LMF2: variants seen among roughly 807,000 people sequenced by gnomAD.
The protein encoded by LMF2 is transmembrane protein 112B.
In LMF2, 113 loss-of-function variants were observed where a neutral mutation model predicts 81.5. The observed-to-expected ratio is 1.39, with a 90% CI of 1.19 to 1.62. The LOEUF (loss-of-function observed/expected upper bound fraction) is 1.62. LMF2 is among the 40% of genes most tolerant of loss of function. The probability of loss-of-function intolerance (pLI) is 0.00; values close to 1 mark genes in which losing one functional copy is unlikely to be tolerated. For missense variants in LMF2, 1,235 were observed against 929.1 expected (o/e 1.33, Z -4.28); for synonymous variants, 645 against 424.5 (o/e 1.52, Z -6.39).
Position 50,506,771 on chromosome 22 carries a change from G to T in LMF2, c.348+11C>A, listed in dbSNP as rs781668166. On this transcript the variant is annotated intron_variant, in intron 2 of 13. Transcript: ENST00000474879. ...TGGAGATAGAGTGAGCTGGTCACAGGTCCCACTTGCCTGGCAGGCTGACAG... is the reference window on the plus strand; with the variant it reads ...TGGAGATAGAGTGAGCTGGTCACAGTTCCCACTTGCCTGGCAGGCTGACAG... 1.2e-6 allele frequency: 2 copies of T among 1,612,818 alleles called. No homozygotes were observed. The highest frequency in any genetic ancestry group is 1.1e-5 in the South Asian group (1 of 91,032).
intron 1 of LMF2, 195 bp downstream of exon 1, chr22:50,507,387 G>T: frequency 1.6e-6 from 1 of 635,818 alleles, no homozygotes; most frequent in Non-Finnish European, 2.8e-6. Context: ...AGAGTCCAGA[G>T]CCTTACGGGA....
chr22:50,506,718 G>A (rs112907401), intron 2 of LMF2, 52 bp from the exon 3 acceptor site: 2 of 1,613,234 alleles, frequency 1.2e-6, no homozygotes, highest in South Asian at 2.2e-5. Flanking sequence ...ACTCAGGTAA[G>A]GTAGAGGCAG....
At chr22:50,503,978 C>A in intron 12 of LMF2, 74 bp from the exon 13 acceptor site, 2 of 1,361,766 alleles carry the variant, frequency 1.5e-6, no homozygotes, top group East Asian at 4.8e-5. Context: ...CCCAGCCTTA[C>A]CCCTGCTCCT....
In LMF2 at chr22:50,504,742, G is replaced by A. The variant is rs574676366; in HGVS notation, c.1438-15C>T. On this transcript the variant is annotated splice_polypyrimidine_tract_variant and intron_variant, in intron 10 of 13. Coordinates refer to ENST00000474879, the MANE Select transcript of LMF2 (RefSeq NM_033200.3). ...AACTCGATCTCCTGCCAGGCAGGCC[G>A]AGGTCAGCTGGGCCCGCTGACCTGG... is the stretch of plus-strand genomic sequence containing the variant. The A allele has an allele frequency of 2.1e-4, 338 of 1,608,574 alleles. 3 individuals are homozygous for A. In the East Asian group the frequency reaches 6.4e-3, roughly 31 times the overall value.
At chr22:50,506,557 G>A (rs886297923) in intron 3 of LMF2, 55 bp from the exon 4 acceptor site, 27 of 1,583,632 alleles carry the variant, frequency 1.7e-5, no homozygotes, top group South Asian at 4.6e-5. Context: ...TGCTTCCCTC[G>A]GAAAGTCCTC....
Position 50,507,669 on chromosome 22 carries a change from C to G in LMF2, c.7G>C (p.Gly3Arg). The change falls in exon 1 of 14, where the codon GGC becomes CGC. Residue 3 changes from glycine (G) to arginine (R), a missense_variant. Coordinates refer to ENST00000474879, the MANE Select transcript of LMF2 (RefSeq NM_033200.3). ...AAGAGCTGCCGCGGGAGCCGGGAGCCCGCCATGTCCGCTACGCGGCCCGCT... is the reference window on the plus strand; with the variant it reads ...AAGAGCTGCCGCGGGAGCCGGGAGCGCGCCATGTCCGCTACGCGGCCCGCT... MA[G>R]SRLPRQLFLQ... 6.4e-7 allele frequency: 1 copy of G among 1,550,526 alleles called. No homozygotes were observed. Among genetic ancestry groups the G allele is most frequent in the Non-Finnish European group, 8.7e-7 (1 of 1,147,398 alleles).
At position 50,505,283 on chromosome 22, in the gene LMF2, G is replaced by A. The variant is rs764744742; in HGVS notation, c.1103C>T (p.Thr368Ile). ...CAGGGAGGCCACACCCAGCCACACA[G>A]TGGGCAGCGTCAGTGTCTTCAGCCA... The part of the protein sequence containing the change: ...SQWLKTLTLP[T>I]VWLGVASLVW... Residue 368 changes from threonine (T) to isoleucine (I), a missense_variant, in exon 8 of 14, where the codon ACT (threonine) becomes ATT (isoleucine). Coordinates refer to ENST00000474879, the MANE Select transcript of LMF2 (RefSeq NM_033200.3). 3 of 1,613,314 alleles carry A rather than the reference G, an allele frequency of 1.9e-6. No individual in the cohort carries two copies. Among genetic ancestry groups the A allele is most frequent in the South Asian group, 2.2e-5 (2 of 91,090 alleles).
In LMF2 at chr22:50,505,264, G is replaced by C; in HGVS notation, c.1122C>G (p.Ala374=). The change falls in exon 8 of 14, where the codon GCC becomes GCG. Residue 374 remains alanine (A), a synonymous_variant. Coordinates refer to ENST00000474879, the MANE Select transcript of LMF2 (RefSeq NM_033200.3). The part of the protein sequence containing the change: ...LTLPTVWLGV[A]SLVWELLSAL... ...CACTCAGCAGCTCCCAGACCAGGGA[G>C]GCCACACCCAGCCACACAGTGGGCA... The C allele has an allele frequency of 6.2e-7, 1 of 1,613,212 alleles. No homozygotes were observed. Among genetic ancestry groups the C allele is most frequent in the Non-Finnish European group, 8.5e-7 (1 of 1,180,018 alleles).
chr22:50,503,467 C>G lies in LMF2; in HGVS notation c.2048G>C (p.Gly683Ala), dbSNP rs1312613475. The change falls in exon 14 of 14, where the codon GGA becomes GCA. Residue 683 changes from glycine to alanine, a missense_variant. By Grantham distance (60) the Gly-to-Ala change is moderately conservative. Coordinates refer to ENST00000474879, the MANE Select transcript of LMF2 (RefSeq NM_033200.3). Reference protein sequence around the residue: ...KRRPASQKDSGAASEQATAAP... With the variant: ...KRRPASQKDSAAASEQATAAP... ...TGCGGTGGCCTGTTCGGAGGCAGCT[C>G]CGGAGTCTTTCTGGGAGGCTGGCCT... The G allele has an allele frequency of 6.3e-7, 1 of 1,596,722 alleles. No homozygotes were observed. The highest frequency in any genetic ancestry group is 1.1e-5 in the South Asian group (1 of 89,204).
At chr22:50,505,198 G>C (rs2068525947) in intron 8 of LMF2, 31 bp downstream of exon 8, 1 of 1,612,732 alleles carries the variant, frequency 6.2e-7, no homozygotes, top group African/African-American at 1.3e-5. Context: ...CTGCACACCT[G>C]TGCCCCCTCC....
chr22:50,505,371 C>T, intron 7 of LMF2, 32 bp downstream of exon 7: 1 of 1,613,270 alleles, frequency 6.2e-7, no homozygotes, highest in Non-Finnish European at 8.5e-7. Context: ...TGGTCCGCCC[C>T]TGCCCTCTGG....
Position 50,505,046 on chromosome 22 carries a change from G to A in LMF2, c.1254+11C>T, listed in dbSNP as rs747513835. The A allele has an allele frequency of 6.2e-6, 10 of 1,612,750 alleles. No individual in the cohort carries two copies. The highest frequency in any genetic ancestry group is 5.0e-5 in the Admixed American group (3 of 60,014). On this transcript the variant is annotated intron_variant, in intron 9 of 13. Coordinates refer to ENST00000474879, the MANE Select transcript of LMF2 (RefSeq NM_033200.3). ...CCCCAGCCCATCCCCCAGCCCTGCA[G>A]CGCTACCCACCAGGCTAATCAGGAA...
chr22:50,503,232 C>A lies in LMF2; in HGVS notation c.*159G>T. ...GCTGGCGTGGGGGTGGGGCCTGGAGCCCTCAATGCAGCACCCTGCAAACCC... is the reference window on the plus strand; with the variant it reads ...GCTGGCGTGGGGGTGGGGCCTGGAGACCTCAATGCAGCACCCTGCAAACCC... On this transcript the variant is annotated 3_prime_UTR_variant, in exon 14 of 14. Transcript: ENST00000474879. 1.5e-6 allele frequency: 1 copy of A among 674,520 alleles called. No homozygotes were observed. Among genetic ancestry groups the A allele is most frequent in the Non-Finnish European group, 2.4e-6 (1 of 418,440 alleles). The allele number at this position is 674,520 out of a possible 1,614,324, so 41.8% of individuals were successfully genotyped here.
chr22:50,504,069 G>A (rs1603439076), intron 12 of LMF2, among the ~76,000 whole-genome samples, 165 bp from the exon 13 acceptor site: 1 of 72,748 alleles, frequency 1.4e-5, no homozygotes, highest in African/African-American at 5.5e-5. Context: ...CCGGTGCCCG[G>A]CCTTACCCCT....
chr22:50,507,319 G>T (rs144610017), intron 1 of LMF2: 615 of 607,548 alleles, frequency 1.0e-3, no homozygotes, highest in Middle Eastern at 4.9e-3. Flanking sequence ...TGTCCCACCA[G>T]GTCTGGGAGG....
rs757351802 is a variant in LMF2, at chr22:50,504,463, G to C, written c.1607-12C>G. ...GACAAGGCGGATCACTGCAGCGAGA[G>C]GCATCAGCGTGGCCCCCACAGTACC... On this transcript the variant is annotated splice_polypyrimidine_tract_variant and intron_variant, in intron 11 of 13. Transcript: ENST00000474879. The C allele has an allele frequency of 6.2e-6, 10 of 1,608,870 alleles. No homozygotes were observed. In the East Asian group the frequency reaches 8.9e-5, roughly 14 times the overall value.
chr22:50,504,946 G>C lies in LMF2; in HGVS notation c.1293C>G (p.Arg431=). ...YSYVEPGTHG[R]LWTGAHRLFG... is the part of the protein sequence containing the mutation. Reference sequence around the variant, plus strand: ...ACAGGCGGTGGGCCCCGGTCCAGAGGCGCCCGTGGGTCCCGGGCTCCACGT... The same window carrying C: ...ACAGGCGGTGGGCCCCGGTCCAGAGCCGCCCGTGGGTCCCGGGCTCCACGT... Residue 431 remains arginine, a synonymous_variant, in exon 10 of 14, where the codon CGC becomes CGG. Transcript: ENST00000474879. 6.2e-7 allele frequency: 1 copy of C among 1,607,556 alleles called. No individual in the cohort carries two copies. The highest frequency in any genetic ancestry group is 8.5e-7 in the Non-Finnish European group (1 of 1,176,530).
chr22:50,504,754 G>T, intron 10 of LMF2, 27 bp from the exon 11 acceptor site: 1 of 1,607,464 alleles, frequency 6.2e-7, no homozygotes, highest in South Asian at 1.1e-5. Flanking sequence ...GGTCAGCTGG[G>T]CCCGCTGACC....
At position 50,503,852 on chromosome 22, in the gene LMF2, C is replaced by G; in HGVS notation, c.1771G>C (p.Gly591Arg). The change falls in exon 13 of 14, where the codon GGG (glycine) becomes CGG (arginine). Residue 591 changes from glycine (G) to arginine (R), a missense_variant. Gly to Arg is a moderately radical substitution (Grantham distance 125). Coordinates refer to ENST00000474879, the MANE Select transcript of LMF2 (RefSeq NM_033200.3). ...VEEFFPSVSLGDPTLETLLRQ... is the reference protein window; with the variant it reads ...VEEFFPSVSLRDPTLETLLRQ... The stretch of plus-strand genomic sequence containing the variant: ...AGCAGCGTCTCCAGCGTGGGGTCCC[C>G]CAGGGACACGGATGGGAAGAACTCC... The G allele has an allele frequency of 1.9e-6, 3 of 1,606,260 alleles. No homozygotes were observed. Among genetic ancestry groups the G allele is most frequent in the Non-Finnish European group, 2.5e-6 (3 of 1,179,506 alleles).
Sources: gnomAD v4.1 joint callset for allele counts (sites outside exome capture counted in the v4.1 genomes callset) on GRCh38, gnomAD v4.1.1 for gene constraint, MANE v1.5 for transcripts, NCBI Gene and HGNC (gene_info 2026-07-23, HGNC 2026-07-21) for gene names.